Variants in PDZRN4 observed in about 807,000 individuals in gnomAD.
The protein encoded by PDZRN4 is PDZ domain-containing RING finger protein 4.
Under a neutral mutation model 99.0 loss-of-function variants are expected in PDZRN4, and 70 were observed. The observed-to-expected ratio is 0.71, with a 90% confidence interval of 0.58 to 0.86. PDZRN4 has a LOEUF of 0.86. PDZRN4 is among the 40% of genes least tolerant of loss of function. The probability of loss-of-function intolerance (pLI) is 0.00; values close to 1 mark genes in which losing one functional copy is unlikely to be tolerated. For synonymous variants in PDZRN4, 551 were observed against 501.6 expected, an observed-to-expected ratio of 1.10 and a Z score of -1.32; for missense variants, 1,474 against 1,331.2, an observed-to-expected ratio of 1.11 and a Z score of -1.67.
At chr12:41,229,847 T>C (rs1031953561) in intron 3 of PDZRN4, among the ~76,000 whole-genome samples, 1 of 152,076 alleles carries the variant, frequency 6.6e-6, no homozygotes. Flanking sequence ...GAAGAGACTC[T>C]CTTTTGCCAG....
intron 3 of PDZRN4, among the ~76,000 whole-genome samples, chr12:41,454,399 T>C (rs1952801450): frequency 6.6e-6 from 1 of 152,214 alleles, no homozygotes; most frequent in South Asian, 2.1e-4. Context: ...TTAGGAGACA[T>C]GGTAGAGTCA....
At chr12:41,478,318 G>A (rs376732382) in intron 3 of PDZRN4, among the ~76,000 whole-genome samples, 1 of 152,074 alleles carries the variant, frequency 6.6e-6, no homozygotes, top group Non-Finnish European at 1.5e-5. Context: ...GTTTCAGCAT[G>A]TTGGCCAGGC....
At chr12:41,475,888 C>T (rs1019987776) in intron 3 of PDZRN4, among the ~76,000 whole-genome samples, 1 of 152,134 alleles carries the variant, frequency 6.6e-6, no homozygotes, top group African/African-American at 2.4e-5. Flanking sequence ...TAAATGTTGT[C>T]TGTACCATTT....
intron 5 of PDZRN4, among the ~76,000 whole-genome samples, chr12:41,519,711 A>G (rs1938461107): frequency 2.0e-5 from 3 of 151,972 alleles, no homozygotes; most frequent in Admixed American, 6.6e-5. Context: ...CTAAAGAACA[A>G]TTTCATGCCA....
At chr12:41,320,059 G>A (rs1951664868) in intron 3 of PDZRN4, among the ~76,000 whole-genome samples, 1 of 152,214 alleles carries the variant, frequency 6.6e-6, no homozygotes, top group South Asian at 2.1e-4. Context: ...CAGCCTCCCT[G>A]CTCAGCCTGT....
chr12:41,500,213 G>T (rs985945378), intron 3 of PDZRN4, among the ~76,000 whole-genome samples: 1 of 151,858 alleles, frequency 6.6e-6, no homozygotes, highest in African/African-American at 2.4e-5. Context: ...AGGCTGCCTG[G>T]GTTAGATATC....
chr12:41,353,634 G>A (rs1294133212), intron 3 of PDZRN4, among the ~76,000 whole-genome samples: 1 of 152,010 alleles, frequency 6.6e-6, no homozygotes, highest in Admixed American at 6.6e-5. Flanking sequence ...CACTGGTGAG[G>A]AGGTGTGGCA....
intron 3 of PDZRN4, among the ~76,000 whole-genome samples, chr12:41,410,557 T>C (rs1952390040): frequency 6.6e-6 from 1 of 152,176 alleles, no homozygotes; most frequent in Non-Finnish European, 1.5e-5. Flanking sequence ...TATTATATTA[T>C]ATTCACAGTT....
intron 3 of PDZRN4, among the ~76,000 whole-genome samples, chr12:41,307,489 G>T (rs1951579080): frequency 6.6e-6 from 1 of 152,054 alleles, no homozygotes; most frequent in African/African-American, 2.4e-5. Context: ...CCTTCCATAG[G>T]CCCCACCTGT....
At position 41,572,341 on chromosome 12, in the gene PDZRN4, T is replaced by C. The variant is rs779948614; in HGVS notation, c.1585-23T>C. The stretch of plus-strand genomic sequence containing the variant: ...CTTCCAAAATCATTAATTTTCTTTG[T>C]TCTTTCAACATCATTTTCTTAGCCA... On this transcript the variant is annotated intron_variant, in intron 9 of 9. Transcript: ENST00000402685. 14 of 1,567,568 alleles carry C rather than the reference T, an allele frequency of 8.9e-6. No individual in the cohort carries two copies. In the South Asian group the frequency reaches 1.2e-4, roughly 13 times the overall value.
intron 3 of PDZRN4, among the ~76,000 whole-genome samples, chr12:41,214,565 G>A (rs1482932194): frequency 6.6e-6 from 1 of 151,578 alleles, no homozygotes; most frequent in Non-Finnish European, 1.5e-5. Flanking sequence ...TGAAAGAAAG[G>A]GTTATATGTT....
intron 3 of PDZRN4, among the ~76,000 whole-genome samples, chr12:41,478,335 C>T (rs556381566): frequency 1.5e-4 from 23 of 152,202 alleles, no homozygotes; most frequent in African/African-American, 5.5e-4. Flanking sequence ...AGGCTGATCT[C>T]CAGCTCCTGA....
chr12:41,265,249 A>G (rs1951268521), intron 3 of PDZRN4, among the ~76,000 whole-genome samples: 1 of 152,208 alleles, frequency 6.6e-6, no homozygotes. Flanking sequence ...TTTATATTAA[A>G]GGACATATAT....
Position 41,539,868 on chromosome 12 carries a change from A to G in PDZRN4, c.1204-12788A>G, listed in dbSNP as rs79191498. On this transcript the variant is annotated intron_variant, in intron 5 of 9. Coordinates refer to ENST00000402685, the MANE Select transcript of PDZRN4 (RefSeq NM_001164595.2). ...AATGTATAATATCTGAAATAGATAC[A>G]TGTAGACCCTCCTTTTCTCATTCAT... 2.4e-3 allele frequency among the ~76,000 whole-genome samples: 360 copies of G among 152,300 alleles called. 4 individuals are homozygous for G. The highest frequency in any genetic ancestry group is 4.5e-3 in the Non-Finnish European group (308 of 68,010).
rs753244658 is a variant in PDZRN4 at position 41,573,272 on chromosome 12, T to C, written c.2493T>C (p.Ser831=). 8.1e-6 allele frequency: 13 copies of C among 1,613,774 alleles called. No homozygotes were observed. The South Asian group carries it at 1.4e-4, about 18-fold the overall frequency. Reference sequence around the variant, plus strand: ...TCAGCGAACACATCCCTTACCTCTCTCCTTACCACAGCTCCTCATATAGAT... The same window carrying C: ...TCAGCGAACACATCCCTTACCTCTCCCCTTACCACAGCTCCTCATATAGAT... The part of the protein sequence containing the change: ...KAVSEHIPYL[S]PYHSSSYRYA... Residue 831 remains serine (S), a synonymous_variant, in exon 10 of 10, where the codon TCT becomes TCC. Transcript: ENST00000402685.
chr12:41,383,559 T>C (rs1025214998), intron 3 of PDZRN4, among the ~76,000 whole-genome samples: 1 of 152,166 alleles, frequency 6.6e-6, no homozygotes, highest in Non-Finnish European at 1.5e-5. Context: ...GTAAACTCCT[T>C]CTCCTGCAGA....
At chr12:41,307,935 T>C (rs1399319125) in intron 3 of PDZRN4, among the ~76,000 whole-genome samples, 1 of 152,062 alleles carries the variant, frequency 6.6e-6, no homozygotes, top group Non-Finnish European at 1.5e-5. Flanking sequence ...AAACAACAAC[T>C]TTATATATGG....
intron 5 of PDZRN4, among the ~76,000 whole-genome samples, chr12:41,539,284 G>A (rs1592102940): frequency 6.6e-6 from 1 of 151,766 alleles, no homozygotes; most frequent in Admixed American, 6.6e-5. Context: ...GGAAAAAGAG[G>A]TTTAAAATGG....
At chr12:41,361,852 G>C (rs776929133) in intron 3 of PDZRN4, among the ~76,000 whole-genome samples, 11 of 152,028 alleles carry the variant, frequency 7.2e-5, no homozygotes, top group Non-Finnish European at 1.5e-4. Flanking sequence ...ATCTGGCACA[G>C]CTCTGATGTC....
Sources: allele counts gnomAD v4.1 joint callset (sites outside exome capture counted in the v4.1 genomes callset), GRCh38; gene constraint gnomAD v4.1.1; transcripts MANE v1.5; gene names NCBI Gene and HGNC (gene_info 2026-07-23, HGNC 2026-07-21).